The following IMPG1 variants were observed in gnomAD, a reference collection of about 807,000 sequenced individuals.
The protein encoded by IMPG1 is interphotoreceptor matrix proteoglycan of 150 kDa.
In IMPG1, 85 loss-of-function variants were observed where a neutral mutation model predicts 92.0. The ratio of observed to expected loss-of-function variants is 0.92; its 90% CI spans 0.78 to 1.11. The LOEUF (loss-of-function observed/expected upper bound fraction) is 1.11. Among genes scored for constraint, IMPG1 ranks in the 50% least tolerant of loss-of-function variants. The pLI is 0.00. For missense variants in IMPG1, 1,022 were observed against 956.0 expected, an observed-to-expected ratio of 1.07 and a Z score of -0.91; for synonymous variants, 367 against 334.1, an observed-to-expected ratio of 1.10 and a Z score of -1.08.
intron 12 of IMPG1, among the ~76,000 whole-genome samples, chr6:75,974,250 C>T (rs986118772): frequency 6.7e-6 from 1 of 148,998 alleles, no homozygotes; most frequent in Non-Finnish European, 1.5e-5. Flanking sequence ...TGAGGACTTT[C>T]TTTCTTTCTT....
rs1190006140 is a variant in IMPG1 at position 76,005,365 on chromosome 6, T to C, written c.1057A>G (p.Thr353Ala). The change falls in exon 10 of 17, where the codon ACA (threonine) becomes GCA (alanine). Residue 353 changes from threonine to alanine, a missense_variant. Around this residue, in one of 3 missense-constraint regions of IMPG1, gnomAD observed 681 missense variants for 583.6 expected, o/e 1.17. Coordinates refer to ENST00000369950, the MANE Select transcript of IMPG1 (RefSeq NM_001563.4). ...TTGCTGATCAGCCTTTTGAGGTCTG[T>C]AGCTGTGAGATAGATTTCTGGTTGC... ...DKQPEIYLTA[T>A]DLKRLISKAL... 5 of 1,614,040 alleles carry C rather than the reference T, an allele frequency of 3.1e-6. No homozygotes were observed. The highest frequency in any genetic ancestry group is 1.7e-6 in the Non-Finnish European group (2 of 1,179,912).
chr6:76,063,590 G>T (rs112719206), intron 1 of IMPG1, among the ~76,000 whole-genome samples: 3,892 of 152,230 alleles, frequency 0.026, 135 homozygotes, highest in African/African-American at 0.086. Context: ...GCATGTACAG[G>T]GTTGCTTGTC....
At chr6:75,931,500 G>A (rs891955899) in intron 14 of IMPG1, among the ~76,000 whole-genome samples, 2 of 152,120 alleles carry the variant, frequency 1.3e-5, no homozygotes, top group Non-Finnish European at 2.9e-5. Context: ...AGCAGTTCCC[G>A]GTGATGCTGA....
chr6:76,064,046 A>G (rs964288844), intron 1 of IMPG1, among the ~76,000 whole-genome samples: 1 of 151,932 alleles, frequency 6.6e-6, no homozygotes, highest in Non-Finnish European at 1.5e-5. Flanking sequence ...GAGGGGGACT[A>G]CTCATCTCCC....
At position 75,971,809 on chromosome 6, in the gene IMPG1, A is replaced by G. The variant is rs1782423178; in HGVS notation, c.1292-20715T>C. Among the ~76,000 whole-genome samples, 2 of 152,178 alleles carry G rather than the reference A, an allele frequency of 1.3e-5. 1 individual carries two copies. Among genetic ancestry groups the G allele is most frequent in the South Asian group, 4.1e-4 (2 of 4,826 alleles). Reference sequence around the variant, plus strand: ...GTGCAAATTATTCTTGTTCATAGAAATGCAAAGGATTTTCATCAGGTGGAA... The same window carrying G: ...GTGCAAATTATTCTTGTTCATAGAAGTGCAAAGGATTTTCATCAGGTGGAA... On this transcript the variant is annotated intron_variant, in intron 12 of 16. Transcript: ENST00000369950.
chr6:75,993,065 C>A (rs1204915382), intron 12 of IMPG1, among the ~76,000 whole-genome samples: 2 of 152,110 alleles, frequency 1.3e-5, no homozygotes, highest in African/African-American at 4.8e-5. Flanking sequence ...GTACTGAGGT[C>A]TCTTGTGAAC....
chr6:76,031,242 T>A (rs937553034), intron 4 of IMPG1, among the ~76,000 whole-genome samples: 11 of 152,352 alleles, frequency 7.2e-5, no homozygotes, highest in Non-Finnish European at 1.2e-4. Flanking sequence ...TGTGTTAGTA[T>A]AATATAGTAG....
chr6:75,978,139 A>G (rs1040750539), intron 12 of IMPG1, among the ~76,000 whole-genome samples: 1 of 152,032 alleles, frequency 6.6e-6, no homozygotes, highest in African/African-American at 2.4e-5. Context: ...TTATATACAA[A>G]TTTATATTTC....
At chr6:76,025,636 C>G (rs1783513078) in intron 4 of IMPG1, among the ~76,000 whole-genome samples, 1 of 152,120 alleles carries the variant, frequency 6.6e-6, no homozygotes, top group Non-Finnish European at 1.5e-5. Flanking sequence ...AATATTCTTG[C>G]TAAAATCTCA....
chr6:75,939,338 A>C (rs1042403101), intron 14 of IMPG1, among the ~76,000 whole-genome samples: 13 of 151,962 alleles, frequency 8.6e-5, no homozygotes, highest in Non-Finnish European at 1.6e-4. Flanking sequence ...TCCTAATGCT[A>C]TCCCTCCCTG....
intron 1 of IMPG1, among the ~76,000 whole-genome samples, chr6:76,061,323 A>C (rs540082127): frequency 1.3e-5 from 2 of 152,352 alleles, no homozygotes; most frequent in Admixed American, 1.3e-4. Flanking sequence ...TGAACAAGAA[A>C]GTCTGTCTGG....
At chr6:76,044,557 C>T (rs1306579853) in intron 1 of IMPG1, among the ~76,000 whole-genome samples, 1 of 152,188 alleles carries the variant, frequency 6.6e-6, no homozygotes, top group Non-Finnish European at 1.5e-5. Context: ...ATGTTATGCC[C>T]TGTAGAACTC....
At chr6:75,973,401 CTCAT>C (rs1366897333) in intron 12 of IMPG1, among the ~76,000 whole-genome samples, 1 of 152,142 alleles carries the variant, frequency 6.6e-6, no homozygotes, top group Non-Finnish European at 1.5e-5. Context: ...TTTTACTTTG[CTCAT>C]TCATTCATTC....
At chr6:75,942,030 T>C (rs1781843671) in intron 14 of IMPG1, among the ~76,000 whole-genome samples, 1 of 152,152 alleles carries the variant, frequency 6.6e-6, no homozygotes, top group African/African-American at 2.4e-5. Flanking sequence ...CCACTACCTC[T>C]AAACTATGTC....
intron 1 of IMPG1, among the ~76,000 whole-genome samples, chr6:76,064,392 C>T (rs1784271099): frequency 6.7e-6 from 1 of 148,518 alleles, no homozygotes; most frequent in Admixed American, 6.7e-5. Flanking sequence ...TTTTTAATGG[C>T]CATTGGCTAA....
At chr6:75,985,173 T>C (rs1782692863) in intron 12 of IMPG1, among the ~76,000 whole-genome samples, 1 of 152,244 alleles carries the variant, frequency 6.6e-6, no homozygotes, top group African/African-American at 2.4e-5. Flanking sequence ...TCCTGATATT[T>C]GTGATTTTGG....
chr6:76,068,805 A>G (rs1206746028), intron 1 of IMPG1, among the ~76,000 whole-genome samples: 1 of 151,940 alleles, frequency 6.6e-6, no homozygotes, highest in African/African-American at 2.4e-5. Context: ...GCGTGAGCCA[A>G]CGCACCAGGA....
rs182328995 is a variant in IMPG1 at position 76,055,136 on chromosome 6, G to C, written c.68-13010C>G. ...AATATGCCTTCTTTTCAAGCAGAGG[G>C]AAAATAAACAAACATTGGATATATA... On this transcript the variant is annotated intron_variant, in intron 1 of 16. Coordinates refer to ENST00000369950, the MANE Select transcript of IMPG1 (RefSeq NM_001563.4). Among the ~76,000 whole-genome samples the C allele has an allele frequency of 1.3e-3, 195 of 151,936 alleles. 3 individuals carry two copies. The highest frequency in any genetic ancestry group is 6.9e-3 in the South Asian group (33 of 4,810).
At chr6:75,999,821 T>C (rs1449701138) in intron 12 of IMPG1, among the ~76,000 whole-genome samples, 1 of 152,212 alleles carries the variant, frequency 6.6e-6, no homozygotes, top group Non-Finnish European at 1.5e-5. Context: ...TTATAGAGCA[T>C]TGACTGAAGG....
Sources: allele counts gnomAD v4.1 joint callset (sites outside exome capture counted in the v4.1 genomes callset), GRCh38; gene constraint gnomAD v4.1.1; regional missense constraint gnomAD v4.1.1; transcripts MANE v1.5; gene names NCBI Gene and HGNC (gene_info 2026-07-23, HGNC 2026-07-21).